SMN1: variants seen among roughly 807,000 people sequenced by gnomAD.
SMN1 encodes survival of motor neuron 1, telomeric, also known as survival motor neuron protein.
For synonymous variants in SMN1, 3 were observed against 5.1 expected, an observed-to-expected ratio of 0.58 and a Z score of 0.56; for missense variants, 15 against 17.1, an observed-to-expected ratio of 0.88 and a Z score of 0.22.
the SMN1 span, among the ~76,000 whole-genome samples, chr5:70,959,269 A>G: frequency 1.3e-3 from 196 of 147,738 alleles, 3 homozygotes; most frequent in African/African-American, 4.2e-3. Flanking sequence ...GGTGGGGGGA[A>G]TGGGGAGGGA....
the SMN1 span, among the ~76,000 whole-genome samples, chr5:70,959,301 A>G: frequency 6.7e-6 from 1 of 150,314 alleles, no homozygotes. Context: ...GATATATCTA[A>G]TGCTAAATGA....
At chr5:70,950,392 G>A (rs1749657951) in intron 7 of SMN1, among the ~76,000 whole-genome samples, 1 of 148,700 alleles carries the variant, frequency 6.7e-6, no homozygotes, top group Non-Finnish European at 1.5e-5. Flanking sequence ...ACTCCAGCCT[G>A]GGCAACAAGA....
chr5:70,951,218 C>T (rs1749712256), intron 7 of SMN1, among the ~76,000 whole-genome samples: 1 of 151,136 alleles, frequency 6.6e-6, no homozygotes. Context: ...CTCAGTTTCC[C>T]GAGTAGCTGG....
chr5:70,951,933 C>A lies in SMN1; in HGVS notation c.835-8C>A, dbSNP rs200146682. On this transcript the variant is annotated splice_region_variant and splice_polypyrimidine_tract_variant and intron_variant, in intron 7 of 8. Transcript: ENST00000380707. ...TATTTTTTTTAACTTCCTTTATTTT[C>A]CTTACAGGGTTTCAGACAAAATCAA... The A allele has an allele frequency of 6.5e-5, 105 of 1,611,936 alleles. No individual in the cohort carries two copies. In the African/African-American group the frequency reaches 1.4e-3, roughly 21 times the overall value.
At chr5:70,950,360 T>G (rs1362539518) in intron 7 of SMN1, among the ~76,000 whole-genome samples, 1 of 146,706 alleles carries the variant, frequency 6.8e-6, no homozygotes, top group Non-Finnish European at 1.5e-5. Context: ...GAGGTTGCGG[T>G]GAGCCAAGAT....
At chr5:70,959,259 G>A in the SMN1 span, among the ~76,000 whole-genome samples, 3 of 149,770 alleles carry the variant, frequency 2.0e-5, no homozygotes, top group Non-Finnish European at 4.5e-5. Flanking sequence ...ACTGTTGTGG[G>A]GTGGGGGGAA....
chr5:70,943,485 T>TA (rs1222386249), intron 5 of SMN1, among the ~76,000 whole-genome samples: 21 of 22,458 alleles, frequency 9.4e-4, no homozygotes, highest in African/African-American at 2.8e-3. Context: ...AGTGTAATAA[T>TA]AATTTATCAT....
chr5:70,955,043 ACT>A (rs1427977057), downstream of SMN1, among the ~76,000 whole-genome samples: 2 of 138,608 alleles, frequency 1.4e-5, no homozygotes, highest in African/African-American at 5.4e-5. Context: ...AAAACCCCTG[ACT>A]CTACAAAAAA....
At chr5:70,951,092 A>C (rs373377565) in intron 7 of SMN1, among the ~76,000 whole-genome samples, 5,887 of 133,672 alleles carry the variant, frequency 0.044, 107 homozygotes, top group African/African-American at 0.074. Flanking sequence ...AAATTTTTTA[A>C]ATTTAAATTT....
At chr5:70,954,710 C>G (rs563483368), downstream of SMN1, among the ~76,000 whole-genome samples, 2 of 50,206 alleles carry the variant, frequency 4.0e-5, no homozygotes, top group African/African-American at 4.9e-5. Flanking sequence ...AAAATTAGCC[C>G]GGCATGGTGG....
chr5:70,959,029 G>A, the SMN1 span, among the ~76,000 whole-genome samples: 2 of 150,672 alleles, frequency 1.3e-5, no homozygotes, highest in African/African-American at 2.4e-5. Flanking sequence ...ATGATAGACT[G>A]GATTAAGAAA....
At position 70,949,914 on chromosome 5, in the gene SMN1, C is replaced by CA. The variant is rs1472152321; in HGVS notation, c.835-2023dup. On this transcript the variant is annotated intron_variant, in intron 7 of 8. Coordinates refer to ENST00000380707, the MANE Select transcript of SMN1 (RefSeq NM_000344.4). ...AACCCCGTCTCTACTAAAAAAAATACAAAATTAGGCGGGCGTGGTGGTGCA... is the reference window on the plus strand; with the variant it reads ...AACCCCGTCTCTACTAAAAAAAATACAAAAATTAGGCGGGCGTGGTGGTGCA... 9.6e-5 allele frequency among the ~76,000 whole-genome samples: 11 copies of CA among 114,988 alleles called. 1 individual carries two copies. The highest frequency in any genetic ancestry group is 3.8e-4 in the African/African-American group (11 of 28,574). 75.4% of individuals were successfully genotyped at this position (114,988 alleles called of 152,430 possible).
chr5:70,954,724 G>A (rs1429301023), downstream of SMN1, among the ~76,000 whole-genome samples: 3 of 51,336 alleles, frequency 5.8e-5, 1 homozygote, highest in African/African-American at 1.4e-4. Flanking sequence ...ATGGTGGCAC[G>A]CGCCTGTAGT....
At chr5:70,945,660 A>G (rs1749542102) in intron 6 of SMN1, among the ~76,000 whole-genome samples, 2 of 70,178 alleles carry the variant, frequency 2.8e-5, no homozygotes, top group Admixed American at 3.3e-4. Context: ...ATAGCTTCAT[A>G]GTGGAACAGA....
downstream of SMN1, among the ~76,000 whole-genome samples, chr5:70,956,750 G>T (rs1424510479): frequency 3.3e-5 from 5 of 150,148 alleles, no homozygotes; most frequent in African/African-American, 1.2e-4. Context: ...CAGGTAGCGT[G>T]ATGCCTCCAG....
downstream of SMN1, among the ~76,000 whole-genome samples, chr5:70,958,740 G>C (rs1749955958): frequency 6.9e-6 from 1 of 144,128 alleles, no homozygotes; most frequent in Admixed American, 7.1e-5. Flanking sequence ...CCAACTATGT[G>C]GTCAATTTTG....
downstream of SMN1, among the ~76,000 whole-genome samples, chr5:70,955,207 C>G (rs1749872023): frequency 6.9e-6 from 1 of 144,976 alleles, no homozygotes; most frequent in Non-Finnish European, 1.5e-5. Context: ...AGACTGAGAC[C>G]CTGTCTCAAA....
downstream of SMN1, among the ~76,000 whole-genome samples, chr5:70,955,618 A>G (rs1749886094): frequency 1.4e-5 from 2 of 142,818 alleles, no homozygotes; most frequent in Non-Finnish European, 3.0e-5. Context: ...CATCTCTACT[A>G]AAAATACAAA....
At chr5:70,959,521 C>G in the SMN1 span, among the ~76,000 whole-genome samples, 1 of 109,826 alleles carries the variant, frequency 9.1e-6, no homozygotes, top group Non-Finnish European at 1.9e-5. Flanking sequence ...GAATTGAGCT[C>G]TTGTGGATGA....
Sources: allele counts gnomAD v4.1 joint callset (sites outside exome capture counted in the v4.1 genomes callset), GRCh38; gene constraint gnomAD v4.1.1; transcripts MANE v1.5; gene names NCBI Gene and HGNC (gene_info 2026-07-23, HGNC 2026-07-21).